Variants in FRMPD4 observed in about 807,000 individuals in gnomAD.
FRMPD4 encodes FERM and PDZ domain-containing protein 4.
Under a neutral mutation model 94.1 loss-of-function variants are expected in FRMPD4, and 22 were observed. The ratio of observed to expected loss-of-function variants is 0.23; its 90% CI spans 0.17 to 0.33. FRMPD4 has a LOEUF of 0.33. FRMPD4 is among the 10% of genes least tolerant of loss of function. The probability of loss-of-function intolerance (pLI) is 1.00; values close to 1 mark genes in which losing one functional copy is unlikely to be tolerated. For missense variants in FRMPD4, 1,111 were observed against 1,339.9 expected, an observed-to-expected ratio of 0.83 and a Z score of 2.67; for synonymous variants, 631 against 548.6, an observed-to-expected ratio of 1.15 and a Z score of -2.10.
At chrX:12,135,460 A>G (rs1465441955), upstream of FRMPD4, among the ~76,000 whole-genome samples, 1 of 107,776 alleles carries the variant, frequency 9.3e-6, no homozygotes, top group Non-Finnish European at 1.9e-5. Context: ...ATGAGAAACA[A>G]AGGAGGAGGG....
intron 1 of FRMPD4, among the ~76,000 whole-genome samples, chrX:12,166,967 G>A (rs188329601): frequency 0.022 from 2,452 of 110,399 alleles, 83 homozygotes; most frequent in African/African-American, 0.075. Context: ...TCTTGCTAGT[G>A]GTCTATCAAT....
At chrX:12,365,080 G>C (rs976510015) in intron 1 of FRMPD4, among the ~76,000 whole-genome samples, 9 of 112,398 alleles carry the variant, frequency 8.0e-5, no homozygotes, top group Non-Finnish European at 1.7e-4. Context: ...CACATCTGGG[G>C]CTTCCTTCCT....
intron 1 of FRMPD4, among the ~76,000 whole-genome samples, chrX:12,232,807 G>A (rs2057028054): frequency 8.9e-6 from 1 of 111,865 alleles, no homozygotes; most frequent in Non-Finnish European, 1.9e-5. Flanking sequence ...TGGGCTCTGA[G>A]ACACAAGGAC....
At chrX:12,160,494 G>C (rs1419322831) in intron 1 of FRMPD4, among the ~76,000 whole-genome samples, 1 of 111,757 alleles carries the variant, frequency 8.9e-6, no homozygotes, top group East Asian at 2.8e-4. Flanking sequence ...ACTGTTGCTG[G>C]AGTAATGTGT....
intron 4 of FRMPD4, among the ~76,000 whole-genome samples, chrX:12,638,501 A>G (rs1442075037): frequency 9.0e-6 from 1 of 110,973 alleles, no homozygotes; most frequent in East Asian, 2.8e-4. Context: ...CTCCCAAAGT[A>G]CTGGGCTTAT....
At chrX:12,391,906 A>G (rs62589027) in intron 1 of FRMPD4, among the ~76,000 whole-genome samples, 24,642 of 110,874 alleles carry the variant, frequency 0.22, 2,190 homozygotes, top group Non-Finnish European at 0.27. Context: ...GTCTTAGTAG[A>G]CTTTGGGCCA....
chrX:12,259,478 G>C (rs186707217), intron 1 of FRMPD4, among the ~76,000 whole-genome samples: 1 of 111,591 alleles, frequency 9.0e-6, no homozygotes, highest in Non-Finnish European at 1.9e-5. Flanking sequence ...GATGTAAGGA[G>C]GGATCTTCCC....
intron 1 of FRMPD4, among the ~76,000 whole-genome samples, chrX:12,221,540 G>A (rs1001656368): frequency 1.8e-5 from 2 of 112,287 alleles, no homozygotes; most frequent in Non-Finnish European, 3.8e-5. Flanking sequence ...CTGAAACAGA[G>A]GAAGGATGGT....
rs1006214592 is a variant in FRMPD4, at chrX:12,621,091, G to C, written c.422+6210G>C. Among the ~76,000 whole-genome samples the C allele has an allele frequency of 1.1e-4, 12 of 111,622 alleles. No individual in the cohort carries two copies. The East Asian group carries it at 3.4e-3, about 31-fold the overall frequency. On this transcript the variant is annotated intron_variant, in intron 4 of 16. Transcript: ENST00000675598. ...CAAAAAGAAAAAAAAATAGCCTGCT[G>C]TGGTGGTGTGTGACTGTAGTCCCAG... is the stretch of plus-strand genomic sequence containing the variant.
intron 2 of FRMPD4, among the ~76,000 whole-genome samples, chrX:12,522,868 G>A (rs10482318): frequency 0.016 from 1,817 of 111,687 alleles, 45 homozygotes; most frequent in African/African-American, 0.055. Context: ...CTCCCATAGC[G>A]CTGGGATTCC....
chrX:12,017,156 C>A (rs2054608861), intron 3 of FRMPD4, among the ~76,000 whole-genome samples: 1 of 112,201 alleles, frequency 8.9e-6, no homozygotes, highest in African/African-American at 3.2e-5. Flanking sequence ...ACTTCTAGTA[C>A]CTTCTCAAGC....
chrX:12,711,235 G>T (rs1336987501), intron 14 of FRMPD4, among the ~76,000 whole-genome samples: 1 of 111,811 alleles, frequency 8.9e-6, no homozygotes, highest in Admixed American at 9.4e-5. Context: ...TCTCCTGATG[G>T]TGTCCTAGGC....
At chrX:12,546,353 T>A (rs1229365094) in intron 2 of FRMPD4, among the ~76,000 whole-genome samples, 15 of 111,247 alleles carry the variant, frequency 1.3e-4, no homozygotes, top group African/African-American at 4.6e-4. Flanking sequence ...AATCTTTGTA[T>A]TTTTCGTAGA....
At chrX:12,678,857 C>T (rs2059931561) in intron 5 of FRMPD4, among the ~76,000 whole-genome samples, 1 of 112,342 alleles carries the variant, frequency 8.9e-6, no homozygotes, top group Admixed American at 9.4e-5. Flanking sequence ...ACAACTTCCC[C>T]TCATGCAACC....
chrX:11,944,057 TG>T (rs1482897966), intron 3 of FRMPD4, among the ~76,000 whole-genome samples: 8 of 112,422 alleles, frequency 7.1e-5, no homozygotes, highest in African/African-American at 2.6e-4. Context: ...CAGCCATAGA[TG>T]ATACGGAAAT....
At chrX:12,258,517 C>A (rs12861200) in intron 1 of FRMPD4, among the ~76,000 whole-genome samples, 46,419 of 109,634 alleles carry the variant, frequency 0.42, 7,118 homozygotes, top group Non-Finnish European at 0.47. Context: ...AGAAATTAAT[C>A]TCTATTCTGT....
intron 1 of FRMPD4, among the ~76,000 whole-genome samples, chrX:12,290,691 T>C (rs1038349745): frequency 8.9e-6 from 1 of 112,019 alleles, no homozygotes; most frequent in African/African-American, 3.2e-5. Context: ...TTTCTATTGA[T>C]AAAAGGCTAT....
chrX:11,876,758 C>T (rs923581848), intron 2 of FRMPD4, among the ~76,000 whole-genome samples: 8 of 112,368 alleles, frequency 7.1e-5, no homozygotes, highest in African/African-American at 2.6e-4. Flanking sequence ...GTTTACCTAC[C>T]ATTTGTCTTT....
chrX:12,663,070 C>T (rs1175353310), intron 4 of FRMPD4, among the ~76,000 whole-genome samples: 2 of 112,249 alleles, frequency 1.8e-5, no homozygotes, highest in Admixed American at 9.4e-5. Flanking sequence ...TCTTGTCAAT[C>T]TGTTTAAGTT....
Sources: allele counts gnomAD v4.1 joint callset (sites outside exome capture counted in the v4.1 genomes callset), GRCh38; gene constraint gnomAD v4.1.1; transcripts MANE v1.5; gene names NCBI Gene and HGNC (gene_info 2026-07-23, HGNC 2026-07-21).